KDM4B: variants seen among roughly 807,000 people sequenced by gnomAD.
The protein encoded by KDM4B is lysine-specific demethylase 4B.
KDM4B carries 32 observed loss-of-function variants against 125.2 expected under a neutral mutation model. The ratio of observed to expected loss-of-function variants is 0.26; its 90% CI spans 0.19 to 0.34. The LOEUF (loss-of-function observed/expected upper bound fraction) is 0.34, where lower values mean the gene tolerates loss of function less well. KDM4B is among the 10% of genes least tolerant of loss of function. The probability of loss-of-function intolerance (pLI) is 1.00; values close to 1 mark genes in which losing one functional copy is unlikely to be tolerated. For missense variants in KDM4B, 1,190 were observed against 1,577.7 expected, an observed-to-expected ratio of 0.75 and a Z score of 4.16; for synonymous variants, 721 against 677.9, an observed-to-expected ratio of 1.06 and a Z score of -0.99.
chr19:5,039,138 G>A (rs1238670693), intron 3 of KDM4B, among the ~76,000 whole-genome samples: 1 of 152,254 alleles, frequency 6.6e-6, no homozygotes, highest in African/African-American at 2.4e-5. Flanking sequence ...CAAGCATGAA[G>A]ATTCCCGTTT....
intron 1 of KDM4B, among the ~76,000 whole-genome samples, chr19:5,005,526 A>G (rs2035529052): frequency 6.6e-6 from 1 of 152,102 alleles, no homozygotes; most frequent in Non-Finnish European, 1.5e-5. Flanking sequence ...CAGATGAGGA[A>G]ACTGAGGCCC....
At chr19:5,067,149 C>G (rs1319293150) in intron 6 of KDM4B, among the ~76,000 whole-genome samples, 1 of 152,146 alleles carries the variant, frequency 6.6e-6, no homozygotes, top group Non-Finnish European at 1.5e-5. Flanking sequence ...TCAGCCCCCG[C>G]CCAGACATAC....
chr19:5,101,087 C>T lies in KDM4B; in HGVS notation c.919-9535C>T, dbSNP rs1170751223. On this transcript the variant is annotated intron_variant, in intron 9 of 22. Transcript: ENST00000159111. ...AATACAAAAAATTAGCTGGGCATGG[C>T]GGTGGGTGCCTGTAATCCCAGCTAC... is the stretch of plus-strand genomic sequence containing the variant. Among the ~76,000 whole-genome samples the T allele has an allele frequency of 4.0e-5, 6 of 151,572 alleles. No individual in the cohort carries two copies. The South Asian group carries it at 6.3e-4, about 16-fold the overall frequency.
intron 9 of KDM4B, among the ~76,000 whole-genome samples, chr19:5,089,987 A>G (rs62115606): frequency 0.04 from 6,119 of 152,250 alleles, 183 homozygotes; most frequent in South Asian, 0.1. Flanking sequence ...TGGGCAACAT[A>G]GTGAGACCCC....
At chr19:5,061,903 C>T (rs1192615201) in intron 6 of KDM4B, among the ~76,000 whole-genome samples, 1 of 152,066 alleles carries the variant, frequency 6.6e-6, no homozygotes, top group Non-Finnish European at 1.5e-5. Context: ...GGTAGCTTTC[C>T]ATCAGATATT....
chr19:5,019,274 T>C (rs2035995711), intron 2 of KDM4B, among the ~76,000 whole-genome samples: 1 of 137,532 alleles, frequency 7.3e-6, no homozygotes, highest in South Asian at 2.4e-4. Flanking sequence ...GTGTGGATGT[T>C]GGTGTGGACA....
At chr19:5,070,793 A>G (rs2037922217) in intron 6 of KDM4B, 4 of 493,982 alleles carry the variant, frequency 8.1e-6, no homozygotes, top group Non-Finnish European at 1.4e-5. Flanking sequence ...CATGGTCCTC[A>G]CTCCCCGCTC....
Position 5,137,258 on chromosome 19 carries a change from C to G in KDM4B, c.2309-4C>G, listed in dbSNP as rs1353056771. On this transcript the variant is annotated splice_polypyrimidine_tract_variant and splice_region_variant and intron_variant, in intron 15 of 22. Transcript: ENST00000159111. The stretch of plus-strand genomic sequence containing the variant: ...GATCTCAGCCAGCCCCCGCTGTCTT[C>G]CAGGTTGCTATGGCATCCGTCCCGA... 1 of 1,568,282 alleles carries G rather than the reference C, an allele frequency of 6.4e-7. No homozygotes were observed. The highest frequency in any genetic ancestry group is 1.4e-5 in the African/African-American group (1 of 74,062).
chr19:5,116,091 A>G (rs2039249031), intron 10 of KDM4B, among the ~76,000 whole-genome samples: 1 of 152,110 alleles, frequency 6.6e-6, no homozygotes, highest in Non-Finnish European at 1.5e-5. Flanking sequence ...CAGAGCAAAC[A>G]GATCACATAA....
At chr19:4,977,174 C>T (rs2034476259) in intron 1 of KDM4B, among the ~76,000 whole-genome samples, 1 of 152,156 alleles carries the variant, frequency 6.6e-6, no homozygotes. Flanking sequence ...AGTTTGCGTC[C>T]AGCCATCTCC....
intron 3 of KDM4B, 85 bp from the exon 4 acceptor site, chr19:5,039,751 C>CGCCGTA: frequency 6.9e-7 from 1 of 1,457,066 alleles, no homozygotes; most frequent in Admixed American, 1.9e-5. Flanking sequence ...GGGTGCTGGT[C>CGCCGTA]TCTGGGGAGC....
chr19:5,099,263 CAGAG>C (rs1484713402), intron 9 of KDM4B, among the ~76,000 whole-genome samples: 3 of 152,102 alleles, frequency 2.0e-5, no homozygotes, highest in Non-Finnish European at 2.9e-5. Flanking sequence ...TTCAGTTTCT[CAGAG>C]AGAAACATTT....
intron 1 of KDM4B, among the ~76,000 whole-genome samples, chr19:4,998,311 T>C (rs911441563): frequency 6.6e-6 from 1 of 152,260 alleles, no homozygotes; most frequent in African/African-American, 2.4e-5. Flanking sequence ...TTCTTGGCTC[T>C]TCACCCAAAC....
At chr19:5,070,423 T>C (rs2037910678) in intron 6 of KDM4B, among the ~76,000 whole-genome samples, 1 of 152,248 alleles carries the variant, frequency 6.6e-6, no homozygotes, top group African/African-American at 2.4e-5. Context: ...GTCTTTCTTA[T>C]TCATGATGGA....
chr19:5,137,568 T>C, intron 16 of KDM4B, 53 bp from the exon 17 acceptor site: 1 of 1,537,878 alleles, frequency 6.5e-7, no homozygotes, highest in Non-Finnish European at 8.9e-7. Context: ...CCAAGCAGTG[T>C]GTGGGGAGCC....
At chr19:5,127,086 C>T (rs1165546828) in intron 11 of KDM4B, among the ~76,000 whole-genome samples, 1 of 152,158 alleles carries the variant, frequency 6.6e-6, no homozygotes, top group Non-Finnish European at 1.5e-5. Context: ...GTGGGGTTTC[C>T]GCTGTGACAC....
Position 5,023,922 on chromosome 19 carries a change from T to G in KDM4B, c.-26+7583T>G, listed in dbSNP as rs558041770. The stretch of plus-strand genomic sequence containing the variant: ...GGTGTGCACCACCACGCCTGGCTGA[T>G]TTTTAAATTTTTTGTAGAGATGGGG... On this transcript the variant is annotated intron_variant, in intron 2 of 22. Transcript: ENST00000159111. Among the ~76,000 whole-genome samples, 7 of 152,012 alleles carry G rather than the reference T, an allele frequency of 4.6e-5. No homozygotes were observed. The South Asian group carries it at 1.5e-3, about 32-fold the overall frequency.
intron 1 of KDM4B, among the ~76,000 whole-genome samples, chr19:4,992,766 C>G (rs1409793332): frequency 1.3e-5 from 2 of 152,132 alleles, no homozygotes; most frequent in Non-Finnish European, 2.9e-5. Context: ...ATAAGTTTTA[C>G]TTTGTTGTGA....
At chr19:5,050,251 A>C (rs564402794) in intron 6 of KDM4B, among the ~76,000 whole-genome samples, 1 of 152,364 alleles carries the variant, frequency 6.6e-6, no homozygotes, top group East Asian at 1.9e-4. Context: ...AAGTGACGTG[A>C]ACAGCCTGGT....
Sources: gnomAD v4.1 joint callset for allele counts (sites outside exome capture counted in the v4.1 genomes callset) on GRCh38, gnomAD v4.1.1 for gene constraint, MANE v1.5 for transcripts, NCBI Gene and HGNC (gene_info 2026-07-23, HGNC 2026-07-21) for gene names.